FGF12: variants seen among roughly 807,000 people sequenced by gnomAD.
FGF12 encodes fibroblast growth factor 12, also known as fibroblast growth factor 12B.
Under a neutral mutation model 23.6 loss-of-function variants are expected in FGF12, and 14 were observed. That is an observed-to-expected ratio of 0.59 (90% confidence interval 0.39 to 0.93). The LOEUF is 0.93. Ranked by LOEUF, FGF12 falls within the 40% of genes least tolerant of loss-of-function variation. The pLI, the probability that FGF12 is intolerant of heterozygous loss-of-function variation, is 0.00. For missense variants in FGF12, 175 were observed against 217.8 expected (o/e 0.80, Z 1.24); for synonymous variants, 62 against 77.3 (o/e 0.80, Z 1.04).
chr3:192,499,371 AAGATCCAGCCACTTTATACAG>A (rs1724051799), intron 2 of FGF12, among the ~76,000 whole-genome samples: 1 of 151,154 alleles, frequency 6.6e-6, no homozygotes, highest in South Asian at 2.1e-4. Context: ...TCTGGATTCA[AAGATCCAGCCACTTTATACAG>A]ACTTGGGGCT....
chr3:192,503,674 C>T (rs1261751826), intron 2 of FGF12, among the ~76,000 whole-genome samples: 2 of 145,478 alleles, frequency 1.4e-5, no homozygotes, highest in Non-Finnish European at 3.0e-5. Context: ...GGCGCAATCT[C>T]GGCTCACTGC....
chr3:192,599,463 G>C (rs758135221), intron 2 of FGF12, among the ~76,000 whole-genome samples: 3 of 151,934 alleles, frequency 2.0e-5, no homozygotes, highest in Non-Finnish European at 4.4e-5. Flanking sequence ...TCAGAAGGTA[G>C]TTCTGAGAAT....
chr3:192,693,684 GA>G, intron 2 of FGF12, among the ~76,000 whole-genome samples: 1 of 152,110 alleles, frequency 6.6e-6, no homozygotes, highest in East Asian at 1.9e-4. Flanking sequence ...ATGATGTTGG[GA>G]AATCTATATA....
chr3:192,176,946 T>G (rs576923984), intron 4 of FGF12, among the ~76,000 whole-genome samples: 1 of 152,310 alleles, frequency 6.6e-6, no homozygotes, highest in South Asian at 2.1e-4. Context: ...ACAACGCCCA[T>G]GCTTACATGT....
chr3:192,643,394 G>A (rs1241055667), intron 2 of FGF12, among the ~76,000 whole-genome samples: 1 of 152,160 alleles, frequency 6.6e-6, no homozygotes, highest in Non-Finnish European at 1.5e-5. Flanking sequence ...TTTGTCCAAT[G>A]TGAATCTTGA....
chr3:192,423,610 G>T (rs1042402914), intron 2 of FGF12, among the ~76,000 whole-genome samples: 3 of 152,096 alleles, frequency 2.0e-5, no homozygotes, highest in African/African-American at 7.2e-5. Flanking sequence ...AATTATTCAG[G>T]CTTATGCCCT....
chr3:192,250,256 T>C (rs538672086), intron 4 of FGF12, among the ~76,000 whole-genome samples: 2 of 152,278 alleles, frequency 1.3e-5, no homozygotes, highest in South Asian at 4.2e-4. Context: ...AAATGCCACA[T>C]TTAGCCAAAG....
intron 4 of FGF12, among the ~76,000 whole-genome samples, chr3:192,180,991 G>A (rs1197504975): frequency 6.6e-6 from 1 of 152,120 alleles, no homozygotes; most frequent in Admixed American, 6.5e-5. Flanking sequence ...TGAATTTGTG[G>A]AGCAAGGTGC....
At chr3:192,385,376 C>A (rs1719995522) in intron 2 of FGF12, among the ~76,000 whole-genome samples, 1 of 152,136 alleles carries the variant, frequency 6.6e-6, no homozygotes, top group South Asian at 2.1e-4. Flanking sequence ...GGGCTTAAAG[C>A]AAGAGAACAA....
rs186885465 is a variant in FGF12, at chr3:192,245,333, G to T, written c.229-74677C>A. Among the ~76,000 whole-genome samples, 121 of 151,912 alleles carry T rather than the reference G, an allele frequency of 8.0e-4. 1 individual carries two copies. Among genetic ancestry groups the T allele is most frequent in the African/African-American group, 2.5e-3 (105 of 41,394 alleles). On this transcript the variant is annotated intron_variant, in intron 4 of 5. Coordinates refer to ENST00000445105, the MANE Select transcript of FGF12 (RefSeq NM_004113.6). ...GGGTCTCGCTATTTTACCCAGGCTG[G>T]TCTCAAACTCCTGGCCTCAAGTTAT...
intron 2 of FGF12, among the ~76,000 whole-genome samples, chr3:192,639,645 G>T (rs1234139971): frequency 6.6e-6 from 1 of 152,126 alleles, no homozygotes; most frequent in Admixed American, 6.5e-5. Flanking sequence ...ACCACAGATG[G>T]GAAACATTTG....
At chr3:192,258,972 A>G (rs1425943679) in intron 4 of FGF12, among the ~76,000 whole-genome samples, 1 of 152,168 alleles carries the variant, frequency 6.6e-6, no homozygotes, top group Non-Finnish European at 1.5e-5. Flanking sequence ...TCTGCACAGC[A>G]TCACTATTAC....
chr3:192,631,948 C>T (rs1715404759), intron 2 of FGF12, among the ~76,000 whole-genome samples: 1 of 152,198 alleles, frequency 6.6e-6, no homozygotes, highest in South Asian at 2.1e-4. Context: ...ATATCTACTC[C>T]TTTTACATAT....
At chr3:192,583,846 G>A (rs1280178921) in intron 2 of FGF12, among the ~76,000 whole-genome samples, 5 of 152,062 alleles carry the variant, frequency 3.3e-5, no homozygotes, top group Admixed American at 1.3e-4. Flanking sequence ...TGAAATGATC[G>A]TTTTATCTTT....
intron 5 of FGF12, among the ~76,000 whole-genome samples, chr3:192,150,876 G>A (rs1387376163): frequency 7.1e-6 from 1 of 140,494 alleles, no homozygotes; most frequent in African/African-American, 2.6e-5. Flanking sequence ...GCTTGATGGG[G>A]ATGGCATTGA....
chr3:192,446,334 G>A (rs9814017), intron 2 of FGF12, among the ~76,000 whole-genome samples: 19,102 of 152,172 alleles, frequency 0.13, 3,898 homozygotes, highest in African/African-American at 0.43. Context: ...CGGCAATTCA[G>A]TTTGCCTGAA....
At chr3:192,620,240 A>ACG (rs68096515) in intron 2 of FGF12, among the ~76,000 whole-genome samples, 2 of 69,312 alleles carry the variant, frequency 2.9e-5, no homozygotes, top group East Asian at 3.5e-4. Context: ...TTACACACAC[A>ACG]CGCGCGCGCG....
At chr3:192,602,966 C>T (rs185449994) in intron 2 of FGF12, among the ~76,000 whole-genome samples, 2 of 152,138 alleles carry the variant, frequency 1.3e-5, no homozygotes, top group African/African-American at 4.8e-5. Flanking sequence ...ACAGGAAAAG[C>T]TTTCAATAAA....
intron 2 of FGF12, among the ~76,000 whole-genome samples, chr3:192,364,767 C>G (rs1718894198): frequency 6.6e-6 from 1 of 152,134 alleles, no homozygotes; most frequent in South Asian, 2.1e-4. Flanking sequence ...GGACCGTGAA[C>G]TGAATAAGAA....
Sources: allele counts gnomAD v4.1 joint callset (sites outside exome capture counted in the v4.1 genomes callset), GRCh38; gene constraint gnomAD v4.1.1; transcripts MANE v1.5; gene names NCBI Gene and HGNC (gene_info 2026-07-23, HGNC 2026-07-21).